SGCZ: variants seen among roughly 807,000 people sequenced by gnomAD.
SGCZ encodes sarcoglycan zeta, also known as zeta-sarcoglycan.
A neutral mutation model predicts 41.3 loss-of-function variants in SGCZ; 40 were observed. That is an observed-to-expected ratio of 0.97 (90% CI 0.75 to 1.26). The LOEUF (loss-of-function observed/expected upper bound fraction) is 1.26. Among genes scored for constraint, SGCZ ranks in the 50% most tolerant of loss-of-function variants. The pLI is 0.00. For missense variants in SGCZ, 552 were observed against 369.8 expected (o/e 1.49, Z -4.04); for synonymous variants, 206 against 137.5 (o/e 1.50, Z -3.49).
At chr8:15,000,307 C>T (rs1404845752) in intron 1 of SGCZ, among the ~76,000 whole-genome samples, 4 of 152,054 alleles carry the variant, frequency 2.6e-5, no homozygotes, top group South Asian at 2.1e-4. Context: ...TTATGGCAAC[C>T]CTAGCAAACT....
intron 3 of SGCZ, among the ~76,000 whole-genome samples, chr8:14,246,948 T>G: frequency 1.3e-5 from 2 of 151,762 alleles, no homozygotes; most frequent in East Asian, 3.9e-4. Context: ...CTTTTATATT[T>G]GAAATTCATT....
At chr8:14,366,043 T>A (rs530239337) in intron 2 of SGCZ, among the ~76,000 whole-genome samples, 1 of 152,304 alleles carries the variant, frequency 6.6e-6, no homozygotes, top group East Asian at 1.9e-4. Flanking sequence ...TGTACTTTCA[T>A]GCATCTTGAG....
At chr8:14,811,857 C>G (rs1801747803) in intron 1 of SGCZ, among the ~76,000 whole-genome samples, 1 of 151,844 alleles carries the variant, frequency 6.6e-6, no homozygotes, top group South Asian at 2.1e-4. Context: ...TTAGTGGAAC[C>G]ACAAAGATAT....
At chr8:14,397,407 G>C (rs71524122) in intron 2 of SGCZ, among the ~76,000 whole-genome samples, 6,369 of 152,006 alleles carry the variant, frequency 0.042, 219 homozygotes, top group Admixed American at 0.11. Context: ...AATTATTAAA[G>C]TAATTGCTTT....
intron 1 of SGCZ, among the ~76,000 whole-genome samples, chr8:14,594,755 G>A (rs1554459753): frequency 6.6e-6 from 1 of 151,900 alleles, no homozygotes; most frequent in African/African-American, 2.4e-5. Flanking sequence ...GCTTGTGTGT[G>A]TAAATACTAT....
At chr8:14,627,571 G>A (rs923449859) in intron 1 of SGCZ, among the ~76,000 whole-genome samples, 1 of 152,014 alleles carries the variant, frequency 6.6e-6, no homozygotes, top group African/African-American at 2.4e-5. Flanking sequence ...CTACTATGTG[G>A]TAATAATTCA....
rs191220792 is a variant in SGCZ, at chr8:15,180,376, G to A, written c.39+57209C>T. Among the ~76,000 whole-genome samples the A allele has an allele frequency of 5.2e-3, 789 of 152,272 alleles. 5 individuals carry two copies. Among genetic ancestry groups the A allele is most frequent in the Non-Finnish European group, 8.3e-3 (563 of 68,012 alleles). ...AACATGTTGGTATATTGATTTGATA[G>A]TCCCTTTACAAAATATTACTTGCCA... On this transcript the variant is annotated intron_variant, in intron 1 of 7. Transcript: ENST00000382080.
intron 4 of SGCZ, among the ~76,000 whole-genome samples, chr8:14,177,878 G>C (rs1163637157): frequency 1.3e-5 from 2 of 150,846 alleles, no homozygotes; most frequent in African/African-American, 4.9e-5. Flanking sequence ...TACTGGTCTT[G>C]AGATAAAACT....
chr8:14,350,661 G>T (rs1486402853), intron 2 of SGCZ, among the ~76,000 whole-genome samples: 1 of 152,068 alleles, frequency 6.6e-6, no homozygotes, highest in Non-Finnish European at 1.5e-5. Flanking sequence ...CCCTGTGGAA[G>T]AGCTGAGGTC....
intron 2 of SGCZ, among the ~76,000 whole-genome samples, chr8:14,458,331 G>C (rs1800807805): frequency 6.6e-6 from 1 of 152,136 alleles, no homozygotes; most frequent in South Asian, 2.1e-4. Flanking sequence ...ACTTTTTACT[G>C]GATATCATAA....
chr8:14,784,427 A>G (rs1324552980), intron 1 of SGCZ, among the ~76,000 whole-genome samples: 1 of 151,854 alleles, frequency 6.6e-6, no homozygotes, highest in Admixed American at 6.6e-5. Context: ...AATGTCAGCT[A>G]TATCAGGGTT....
At chr8:14,378,685 G>A (rs1478874993) in intron 2 of SGCZ, among the ~76,000 whole-genome samples, 1 of 152,128 alleles carries the variant, frequency 6.6e-6, no homozygotes, top group Non-Finnish European at 1.5e-5. Flanking sequence ...TTTGCGATTG[G>A]CATCTGCAGT....
At chr8:14,403,837 T>C (rs1178252994) in intron 2 of SGCZ, among the ~76,000 whole-genome samples, 4 of 151,828 alleles carry the variant, frequency 2.6e-5, no homozygotes, top group Non-Finnish European at 5.9e-5. Flanking sequence ...GATAAAACTC[T>C]GTTAAGGCTG....
chr8:14,830,157 T>C (rs1585299931), intron 1 of SGCZ, among the ~76,000 whole-genome samples: 1 of 152,182 alleles, frequency 6.6e-6, no homozygotes, highest in Non-Finnish European at 1.5e-5. Flanking sequence ...GTTGTAAAAA[T>C]TGAATTAAAA....
At chr8:14,631,943 T>G (rs80071478) in intron 1 of SGCZ, among the ~76,000 whole-genome samples, 1 of 152,166 alleles carries the variant, frequency 6.6e-6, no homozygotes, top group African/African-American at 2.4e-5. Flanking sequence ...TAATATTTGT[T>G]GGGTACCACA....
intron 1 of SGCZ, among the ~76,000 whole-genome samples, chr8:15,224,898 A>G (rs1414513159): frequency 1.3e-5 from 2 of 152,194 alleles, no homozygotes; most frequent in Admixed American, 1.3e-4. Context: ...ATTCACCAGG[A>G]AAATATAATT....
chr8:14,511,121 C>A (rs1802454648), intron 2 of SGCZ, among the ~76,000 whole-genome samples: 2 of 150,814 alleles, frequency 1.3e-5, no homozygotes, highest in South Asian at 4.2e-4. Context: ...TGTCAAGTAC[C>A]CTTACTTGAG....
intron 1 of SGCZ, among the ~76,000 whole-genome samples, chr8:15,155,497 TA>T (rs1409035921): frequency 1.3e-5 from 2 of 152,146 alleles, no homozygotes; most frequent in African/African-American, 4.8e-5. Flanking sequence ...TAGAAAATAT[TA>T]AAGTAGCACA....
At chr8:14,895,546 T>G (rs530086370) in intron 1 of SGCZ, among the ~76,000 whole-genome samples, 1 of 152,140 alleles carries the variant, frequency 6.6e-6, no homozygotes, top group African/African-American at 2.4e-5. Context: ...CCATAAGGAC[T>G]GATAGAAAAC....
Sources: allele counts gnomAD v4.1 joint callset (sites outside exome capture counted in the v4.1 genomes callset), GRCh38; gene constraint gnomAD v4.1.1; transcripts MANE v1.5; gene names NCBI Gene and HGNC (gene_info 2026-07-23, HGNC 2026-07-21).